SSR1: variants seen among roughly 807,000 people sequenced by gnomAD.
SSR1 encodes translocon-associated protein subunit alpha.
SSR1 carries 13 observed loss-of-function variants against 36.1 expected under a neutral mutation model. The observed-to-expected ratio is 0.36, with a 90% CI of 0.23 to 0.57. The LOEUF (loss-of-function observed/expected upper bound fraction) is 0.57, where lower values mean the gene tolerates loss of function less well. SSR1 is among the 20% of genes least tolerant of loss of function. The pLI is 0.81. For synonymous variants in SSR1, 113 were observed against 118.9 expected (o/e 0.95, Z 0.32); for missense variants, 291 against 338.5 (o/e 0.86, Z 1.10).
intron 2 of SSR1, among the ~76,000 whole-genome samples, chr6:7,309,354 C>T (rs959089412): frequency 2.6e-5 from 4 of 152,160 alleles, no homozygotes; most frequent in African/African-American, 9.7e-5. Flanking sequence ...CCTAGCTACT[C>T]AGGAGGCTGA....
chr6:7,298,590 A>G, intron 5 of SSR1, 157 bp downstream of exon 5: 1 of 580,620 alleles, frequency 1.7e-6, no homozygotes, highest in Non-Finnish European at 3.0e-6. Flanking sequence ...TATAGTTATA[A>G]GAATCATCTG....
chr6:7,296,748 A>C (rs1461967109), intron 6 of SSR1: 2 of 152,250 alleles, frequency 1.3e-5, no homozygotes, highest in African/African-American at 4.8e-5. Flanking sequence ...GAGGAGGGAA[A>C]TAAGGATGTG....
intron 1 of SSR1, among the ~76,000 whole-genome samples, chr6:7,311,248 A>G (rs886788560): frequency 4.6e-5 from 7 of 152,244 alleles, no homozygotes; most frequent in African/African-American, 1.7e-4. Flanking sequence ...TTTATAGACA[A>G]TAGTACTCTA....
At chr6:7,299,341 C>T (rs148716540) in intron 4 of SSR1, among the ~76,000 whole-genome samples, 3 of 152,166 alleles carry the variant, frequency 2.0e-5, no homozygotes, top group East Asian at 3.8e-4. Flanking sequence ...AAGAGTACAG[C>T]GGCAGCTGCA....
intron 7 of SSR1, among the ~76,000 whole-genome samples, chr6:7,293,913 CATTTT>C (rs1440784893): frequency 9.2e-5 from 14 of 152,256 alleles, no homozygotes; most frequent in African/African-American, 2.9e-4. Flanking sequence ...GTAAGACACT[CATTTT>C]ATATCATACC....
At chr6:7,306,236 A>G (rs1047927159) in intron 2 of SSR1, among the ~76,000 whole-genome samples, 1 of 152,112 alleles carries the variant, frequency 6.6e-6, no homozygotes, top group African/African-American at 2.4e-5. Context: ...TCTGCCTCCC[A>G]GGTTCACGCC....
In SSR1 at chr6:7,284,804, G is replaced by A. The variant is rs540275028; in HGVS notation, c.*5060C>T. 1.3e-5 allele frequency: 2 copies of A among 152,008 alleles called. No homozygotes were observed. The highest frequency in any genetic ancestry group is 2.9e-5 in the Non-Finnish European group (2 of 67,980). The allele number at this position is 152,008 out of a possible 1,614,324, so 9.4% of individuals were successfully genotyped here. The stretch of plus-strand genomic sequence containing the variant: ...CACTGAATTAAGTAAGGGTTTGTAG[G>A]TCACAGAATCAGACTATTTAGGGCT... On this transcript the variant is annotated 3_prime_UTR_variant, in exon 8 of 8. Transcript: ENST00000244763.
intron 7 of SSR1, among the ~76,000 whole-genome samples, chr6:7,293,174 T>C (rs1581627952): frequency 1.3e-5 from 1 of 77,060 alleles, no homozygotes; most frequent in Admixed American, 1.1e-4. Flanking sequence ...TGTGATTTCC[T>C]TTTTTTTTTT....
At chr6:7,297,419 T>C (rs1048956449) in intron 6 of SSR1, among the ~76,000 whole-genome samples, 10 of 152,014 alleles carry the variant, frequency 6.6e-5, no homozygotes, top group Admixed American at 1.3e-4. Context: ...TAAATAATTG[T>C]ATGTGTGTAT....
In SSR1 at chr6:7,287,338, T is replaced by C. The variant is rs112755312; in HGVS notation, c.*2526A>G. 6.6e-6 allele frequency: 1 copy of C among 152,234 alleles called. No individual in the cohort carries two copies. The highest frequency in any genetic ancestry group is 1.5e-5 in the Non-Finnish European group (1 of 68,040). The allele number at this position is 152,234 out of a possible 1,614,324, so 9.4% of individuals were successfully genotyped here. On this transcript the variant is annotated 3_prime_UTR_variant, in exon 8 of 8. Coordinates refer to ENST00000244763, the MANE Select transcript of SSR1 (RefSeq NM_003144.5). ...TATTTTTTAAGGTCTAAATTTGCCC[T>C]TTCCTCTTATCAAAATCACATTTTC...
chr6:7,300,543 G>A (rs1581632552), intron 4 of SSR1, among the ~76,000 whole-genome samples: 1 of 152,158 alleles, frequency 6.6e-6, no homozygotes, highest in East Asian at 1.9e-4. Flanking sequence ...ATAAAATGAT[G>A]GGAAAACAAT....
chr6:7,299,949 C>G (rs1757897448), intron 4 of SSR1, among the ~76,000 whole-genome samples: 1 of 151,932 alleles, frequency 6.6e-6, no homozygotes, highest in Non-Finnish European at 1.5e-5. Flanking sequence ...TTGCATTCCT[C>G]TATTGATAAT....
chr6:7,306,359 G>A lies in SSR1; in HGVS notation c.193-2722C>T, dbSNP rs369157363. Among the ~76,000 whole-genome samples the A allele has an allele frequency of 7.2e-5, 11 of 151,926 alleles. No individual in the cohort carries two copies. In the East Asian group the frequency reaches 1.8e-3, roughly 25 times the overall value. Reference sequence around the variant, plus strand: ...AGGGTTTCACCATGTTAGCCAGGATGGTCTTGATCTCCTGACCTCGTGATC... The same window carrying A: ...AGGGTTTCACCATGTTAGCCAGGATAGTCTTGATCTCCTGACCTCGTGATC... On this transcript the variant is annotated intron_variant, in intron 2 of 7. Transcript: ENST00000244763.
Position 7,297,945 on chromosome 6 carries a change from T to C in SSR1, c.677A>G (p.His226Arg). 1 of 1,613,496 alleles carries C rather than the reference T, an allele frequency of 6.2e-7. No homozygotes were observed. Among genetic ancestry groups the C allele is most frequent in the African/African-American group, 1.3e-5 (1 of 75,004 alleles). ...GLGLLVIVGLHQLLESRKRKR... is the reference protein window; with the variant it reads ...GLGLLVIVGLRQLLESRKRKR... ...TACCTTTCTAGATTCTAGGAGTTGA[T>C]GAAGGCCAACAATAACCAGAAGCCC... is the stretch of plus-strand genomic sequence containing the variant. The change falls in exon 6 of 8, where the codon CAT becomes CGT. Residue 226 changes from histidine to arginine, a missense_variant. By Grantham distance (29) the His-to-Arg change is conservative. Coordinates refer to ENST00000244763, the MANE Select transcript of SSR1 (RefSeq NM_003144.5).
chr6:7,307,551 T>C (rs926725057), intron 2 of SSR1, among the ~76,000 whole-genome samples: 1 of 152,080 alleles, frequency 6.6e-6, no homozygotes, highest in South Asian at 2.1e-4. Flanking sequence ...ATTTATTTAA[T>C]TTTTTTTAGA....
Position 7,309,806 on chromosome 6 carries a change from C to G in SSR1, c.192+111G>C. Reference sequence around the variant, plus strand: ...ATGCTGAACTGTGGGTCAATGAAACCTTTTTCCTTTATAAATTACCCAGTC... The same window carrying G: ...ATGCTGAACTGTGGGTCAATGAAACGTTTTTCCTTTATAAATTACCCAGTC... On this transcript the variant is annotated intron_variant, in intron 2 of 7. Coordinates refer to ENST00000244763, the MANE Select transcript of SSR1 (RefSeq NM_003144.5). 1.1e-5 allele frequency: 10 copies of G among 940,564 alleles called. No individual in the cohort carries two copies. The South Asian group carries it at 1.2e-4, about 11-fold the overall frequency. The allele number at this position is 940,564 out of a possible 1,614,324, so 58.3% of individuals were successfully genotyped here.
intron 2 of SSR1, among the ~76,000 whole-genome samples, chr6:7,307,308 C>A (rs1561835472): frequency 1.3e-5 from 2 of 152,172 alleles, no homozygotes; most frequent in Admixed American, 1.3e-4. Flanking sequence ...ACTTTTCCTG[C>A]CTTTCTATTT....
intron 7 of SSR1, among the ~76,000 whole-genome samples, chr6:7,294,725 A>G (rs921781286): frequency 6.6e-6 from 1 of 151,886 alleles, no homozygotes; most frequent in African/African-American, 2.4e-5. Context: ...AAATAGGATT[A>G]ATGAAGTCAG....
At chr6:7,295,168 A>T in intron 7 of SSR1, 1 of 1,473,524 alleles carries the variant, frequency 6.8e-7, no homozygotes, top group Middle Eastern at 1.7e-4. Flanking sequence ...CACATTCATA[A>T]ATAAGCTGCA....
Sources: allele counts gnomAD v4.1 joint callset (sites outside exome capture counted in the v4.1 genomes callset), GRCh38; gene constraint gnomAD v4.1.1; transcripts MANE v1.5; gene names NCBI Gene and HGNC (gene_info 2026-07-23, HGNC 2026-07-21).